Variants in ARHGAP12 observed in about 807,000 individuals in gnomAD.
The protein encoded by ARHGAP12 is Rho GTPase activating protein 12.
Under a neutral mutation model 108.6 loss-of-function variants are expected in ARHGAP12, and 64 were observed. That is an observed-to-expected ratio of 0.59 (90% confidence interval 0.48 to 0.73). The LOEUF is 0.73. ARHGAP12 is among the 30% of genes least tolerant of loss of function. The pLI is 0.00. For missense variants in ARHGAP12, 940 were observed against 1,005.9 expected (o/e 0.93, Z 0.89); for synonymous variants, 312 against 337.2 (o/e 0.93, Z 0.82).
intron 6 of ARHGAP12, among the ~76,000 whole-genome samples, chr10:31,851,955 A>C (rs1836697253): frequency 1.3e-5 from 2 of 152,214 alleles, no homozygotes; most frequent in Admixed American, 1.3e-4. Flanking sequence ...CTCAAGCACC[A>C]ATAGTGATAT....
chr10:31,868,693 TG>T (rs1292107266), intron 3 of ARHGAP12, among the ~76,000 whole-genome samples: 4 of 151,898 alleles, frequency 2.6e-5, no homozygotes, highest in Admixed American at 1.3e-4. Flanking sequence ...CCCAGCACCT[TG>T]GGAGGTTGAG....
intron 3 of ARHGAP12, among the ~76,000 whole-genome samples, chr10:31,879,871 C>T (rs139143651): frequency 2.0e-5 from 3 of 152,338 alleles, no homozygotes; most frequent in African/African-American, 7.2e-5. Flanking sequence ...TGCCTACATG[C>T]TTCTACAGGG....
At chr10:31,849,170 A>G (rs1396490784) in intron 6 of ARHGAP12, among the ~76,000 whole-genome samples, 1 of 152,134 alleles carries the variant, frequency 6.6e-6, no homozygotes, top group Non-Finnish European at 1.5e-5. Flanking sequence ...TGAAATACTG[A>G]ACAGCAGACT....
intron 3 of ARHGAP12, among the ~76,000 whole-genome samples, chr10:31,886,667 G>A (rs762650498): frequency 8.5e-5 from 13 of 152,052 alleles, no homozygotes; most frequent in Non-Finnish European, 1.3e-4. Context: ...TATTGGTTTC[G>A]ACAGTCCTTT....
chr10:31,866,796 T>C (rs1334820475), intron 3 of ARHGAP12, among the ~76,000 whole-genome samples: 2 of 152,128 alleles, frequency 1.3e-5, no homozygotes, highest in African/African-American at 4.8e-5. Context: ...TATATTTTTT[T>C]AGTAGAGACA....
chr10:31,882,979 T>G (rs1414011572), intron 3 of ARHGAP12, among the ~76,000 whole-genome samples: 1 of 151,128 alleles, frequency 6.6e-6, no homozygotes, highest in African/African-American at 2.4e-5. Flanking sequence ...GAAAACTGAT[T>G]AAGGTTTCTC....
At chr10:31,926,083 C>T (rs1840025654) in intron 1 of ARHGAP12, among the ~76,000 whole-genome samples, 1 of 152,082 alleles carries the variant, frequency 6.6e-6, no homozygotes, top group African/African-American at 2.4e-5. Context: ...GAACAGCATC[C>T]ATATGACCAA....
intron 10 of ARHGAP12, among the ~76,000 whole-genome samples, chr10:31,831,285 G>C (rs1393254196): frequency 6.6e-6 from 1 of 152,104 alleles, no homozygotes; most frequent in Non-Finnish European, 1.5e-5. Context: ...ACTGTGAAAA[G>C]ATTATGTTTA....
intron 1 of ARHGAP12, among the ~76,000 whole-genome samples, chr10:31,927,995 G>A (rs1028254625): frequency 6.6e-6 from 1 of 152,210 alleles, no homozygotes; most frequent in African/African-American, 2.4e-5. Flanking sequence ...CCATCCAGCA[G>A]GGGCAGGGCA....
chr10:31,891,020 C>T (rs1214061155), intron 3 of ARHGAP12, among the ~76,000 whole-genome samples: 1 of 152,008 alleles, frequency 6.6e-6, no homozygotes, highest in African/African-American at 2.4e-5. Flanking sequence ...TAGCAGCTGA[C>T]ACAATTTAGA....
intron 6 of ARHGAP12, among the ~76,000 whole-genome samples, chr10:31,847,147 G>C (rs12220996): frequency 6.6e-6 from 1 of 151,886 alleles, no homozygotes; most frequent in African/African-American, 2.4e-5. Flanking sequence ...GCTTGCTGTA[G>C]CACTTTTATG....
intron 10 of ARHGAP12, among the ~76,000 whole-genome samples, chr10:31,828,064 T>G (rs983424176): frequency 2.0e-5 from 3 of 152,172 alleles, no homozygotes; most frequent in African/African-American, 7.2e-5. Flanking sequence ...TAAATGGTGA[T>G]TCCTAATAAT....
At chr10:31,887,398 C>G (rs1838227659) in intron 3 of ARHGAP12, among the ~76,000 whole-genome samples, 1 of 152,314 alleles carries the variant, frequency 6.6e-6, no homozygotes, top group Admixed American at 6.5e-5. Flanking sequence ...GACCAAATAT[C>G]TGGGCATTGT....
At chr10:31,897,481 T>C (rs1241006624) in intron 3 of ARHGAP12, among the ~76,000 whole-genome samples, 1 of 151,924 alleles carries the variant, frequency 6.6e-6, no homozygotes, top group East Asian at 1.9e-4. Flanking sequence ...GGGTGGGAGT[T>C]GGGTGTGGGG....
At chr10:31,919,000 G>A (rs2132488223) in intron 1 of ARHGAP12, among the ~76,000 whole-genome samples, 1 of 152,302 alleles carries the variant, frequency 6.6e-6, no homozygotes, top group Middle Eastern at 3.4e-3. Context: ...TCCATCAATG[G>A]ACGAATAAAC....
At chr10:31,892,700 A>C (rs945539915) in intron 3 of ARHGAP12, among the ~76,000 whole-genome samples, 5 of 152,240 alleles carry the variant, frequency 3.3e-5, no homozygotes. Flanking sequence ...TCCATGAGAC[A>C]GAAACTTAAC....
In ARHGAP12 at chr10:31,812,769, A is replaced by C; in HGVS notation, c.1889T>G (p.Leu630Ter). 6.2e-7 allele frequency: 1 copy of C among 1,609,302 alleles called. No homozygotes were observed. The change falls in exon 15 of 20, where the codon TTA becomes TGA. Residue 630 changes from leucine to a stop codon, truncating the protein, a stop_gained. Coordinates refer to ENST00000344936, the MANE Select transcript of ARHGAP12 (RefSeq NM_018287.7). LOFTEE classifies it high-confidence loss of function. The part of the protein sequence containing the change: ...SSEQKKTKKN[L>*]KKFLTRRPTL... ...GGGGCGTCGTGTAAGAAACTTCTTT[A>C]AGTTTTTCTTGGTTTTTTTCTGTTC... is the stretch of plus-strand genomic sequence containing the variant.
chr10:31,874,981 A>T (rs1837675153), intron 3 of ARHGAP12, among the ~76,000 whole-genome samples: 1 of 147,700 alleles, frequency 6.8e-6, no homozygotes, highest in African/African-American at 2.5e-5. Context: ...CTCAAAAAAA[A>T]AAAAAAAAAA....
chr10:31,826,038 C>T (rs1411136105), intron 11 of ARHGAP12, among the ~76,000 whole-genome samples: 1 of 152,158 alleles, frequency 6.6e-6, no homozygotes, highest in Non-Finnish European at 1.5e-5. Context: ...TGTATTTTCT[C>T]TATAATGCCC....
Sources: allele counts gnomAD v4.1 joint callset (sites outside exome capture counted in the v4.1 genomes callset), GRCh38; gene constraint gnomAD v4.1.1; transcripts MANE v1.5; gene names NCBI Gene and HGNC (gene_info 2026-07-23, HGNC 2026-07-21).